Variants in SYNE1 observed in about 807,000 individuals in gnomAD.
SYNE1 encodes the protein spectrin repeat containing nuclear envelope protein 1, also known as nesprin-1.
A neutral mutation model predicts 1,111.0 loss-of-function variants in SYNE1; 616 were observed. The observed-to-expected ratio is 0.55, with a 90% confidence interval of 0.52 to 0.59. The LOEUF (loss-of-function observed/expected upper bound fraction) is 0.59, where lower values mean the gene tolerates loss of function less well. SYNE1 is among the 20% of genes least tolerant of loss of function. The probability of loss-of-function intolerance (pLI) is 0.00; values close to 1 mark genes in which losing one functional copy is unlikely to be tolerated. For missense variants in SYNE1, 10,006 were observed against 10,417.0 expected (o/e 0.96, Z 1.72); for synonymous variants, 3,855 against 3,825.8 (o/e 1.01, Z -0.28).
chr6:152,409,804 T>C, intron 42 of SYNE1, 95 bp from the exon 43 acceptor site: 1 of 1,323,220 alleles, frequency 7.6e-7, no homozygotes, highest in South Asian at 1.2e-5. Flanking sequence ...TACGTAAAGG[T>C]ATTAATACTC....
At chr6:152,217,413 A>G (rs561867234) in intron 121 of SYNE1, among the ~76,000 whole-genome samples, 29 of 151,664 alleles carry the variant, frequency 1.9e-4, no homozygotes, top group South Asian at 4.2e-4. Flanking sequence ...AAAAAAGAAA[A>G]AAAAATTATT....
chr6:152,458,776 A>C lies in SYNE1; in HGVS notation c.2549T>G (p.Leu850Arg). The change falls in exon 22 of 146, where the codon CTT becomes CGT. Residue 850 changes from leucine to arginine, a missense_variant. By Grantham distance (102) the Leu-to-Arg change is moderately radical. Coordinates refer to ENST00000367255, the MANE Select transcript of SYNE1 (RefSeq NM_182961.4). Reference sequence around the variant, plus strand: ...TCTCACCTGATGTTTTTGTTTAAAAAGGGCACTCGATTGTGCCTCACGCTC... The same window carrying C: ...TCTCACCTGATGTTTTTGTTTAAAACGGGCACTCGATTGTGCCTCACGCTC... ...VLEREAQSSA[L>R]FKQKHQELLA... is the part of the protein sequence containing the mutation. 1 of 1,614,044 alleles carries C rather than the reference A, an allele frequency of 6.2e-7. No homozygotes were observed. The highest frequency in any genetic ancestry group is 1.1e-5 in the South Asian group (1 of 91,076).
chr6:152,385,614 A>G, intron 55 of SYNE1, 60 bp downstream of exon 55: 1 of 1,587,674 alleles, frequency 6.3e-7, no homozygotes, highest in Non-Finnish European at 8.6e-7. Context: ...CAAAATCTTT[A>G]TCAAAAGTAC....
Position 152,344,158 on chromosome 6 carries a change from C to T in SYNE1, c.12148G>A (p.Ala4050Thr). ...TCCGGCTGGACTGCAGAAAGCCAGG[C>T]CTGGCACTGCTGCAGGGTGTCTTGT... ...SRQDTLQQCQ[A>T]WLSAVQPDLE... The change falls in exon 74 of 146, where the codon GCC becomes ACC. Residue 4050 changes from alanine (A) to threonine (T), a missense_variant. By Grantham distance (58) the Ala-to-Thr change is moderately conservative. Around this residue, in one of 7 missense-constraint regions of SYNE1, gnomAD observed 4,955 missense variants for 5,017.2 expected, o/e 0.99. Coordinates refer to ENST00000367255, the MANE Select transcript of SYNE1 (RefSeq NM_182961.4). The T allele has an allele frequency of 6.2e-7, 1 of 1,614,218 alleles. No homozygotes were observed. The highest frequency in any genetic ancestry group is 1.6e-4 in the Middle Eastern group (1 of 6,062).
chr6:152,265,141 G>C (rs1484186521), intron 100 of SYNE1, among the ~76,000 whole-genome samples: 1 of 150,820 alleles, frequency 6.6e-6, no homozygotes, highest in African/African-American at 2.4e-5. Context: ...GGGAGGCAGA[G>C]GTTGCAGTGA....
At chr6:152,386,173 T>G (rs1336340412) in intron 54 of SYNE1, among the ~76,000 whole-genome samples, 2 of 152,170 alleles carry the variant, frequency 1.3e-5, no homozygotes, top group Non-Finnish European at 1.5e-5. Context: ...GTTAGCTTGG[T>G]GTACAGCAGT....
chr6:152,349,069 T>C (rs975678238), intron 72 of SYNE1, among the ~76,000 whole-genome samples: 2 of 152,210 alleles, frequency 1.3e-5, no homozygotes, highest in South Asian at 2.1e-4. Flanking sequence ...TCCTTTCTTA[T>C]AGACAGAAAT....
chr6:152,359,069 T>C (rs1361990134), intron 65 of SYNE1, among the ~76,000 whole-genome samples: 1 of 152,224 alleles, frequency 6.6e-6, no homozygotes, highest in East Asian at 1.9e-4. Context: ...CCAGAATTTT[T>C]TTTAAGTTGG....
At chr6:152,358,149 C>T (rs1415249739) in intron 66 of SYNE1, among the ~76,000 whole-genome samples, 2 of 152,158 alleles carry the variant, frequency 1.3e-5, no homozygotes, top group Non-Finnish European at 2.9e-5. Context: ...CCATGAATCC[C>T]CCAAGTGCTA....
chr6:152,426,194 A>G (rs1232636707), intron 38 of SYNE1, among the ~76,000 whole-genome samples: 1 of 152,386 alleles, frequency 6.6e-6, no homozygotes, highest in East Asian at 1.9e-4. Flanking sequence ...TAGATAGGTA[A>G]TAATAATAAA....
At chr6:152,499,196 G>A (rs981566856) in intron 10 of SYNE1, among the ~76,000 whole-genome samples, 2 of 151,994 alleles carry the variant, frequency 1.3e-5, no homozygotes, top group Non-Finnish European at 2.9e-5. Flanking sequence ...GCTTCTTAGG[G>A]CAGTCAGGAA....
At chr6:152,165,136 TCA>T (rs1206779107) in intron 130 of SYNE1, among the ~76,000 whole-genome samples, 1 of 151,422 alleles carries the variant, frequency 6.6e-6, no homozygotes, top group Non-Finnish European at 1.5e-5. Flanking sequence ...GCTGGGATTG[TCA>T]CACAGTCAGT....
chr6:152,459,045 C>T, intron 21 of SYNE1, 115 bp from the exon 22 acceptor site: 1 of 903,722 alleles, frequency 1.1e-6, no homozygotes. Flanking sequence ...TTGGTGCTTA[C>T]AAATATCCAA....
At chr6:152,401,394 A>C in intron 46 of SYNE1, 53 bp from the exon 47 acceptor site, 1 of 1,553,094 alleles carries the variant, frequency 6.4e-7, no homozygotes, top group South Asian at 1.1e-5. Flanking sequence ...AAGAATACTC[A>C]TTCAGTAGAA....
At chr6:152,476,047 C>G (rs984847110) in intron 14 of SYNE1, among the ~76,000 whole-genome samples, 2 of 152,148 alleles carry the variant, frequency 1.3e-5, no homozygotes, top group Non-Finnish European at 2.9e-5. Context: ...ATACTGGATT[C>G]CCTCCAGGAT....
rs777934898 is a variant in SYNE1 at position 152,171,483 on chromosome 6, ATGAC to A, written c.23627+4907_23627+4910del. On this transcript the variant is annotated intron_variant, in intron 130 of 145. Coordinates refer to ENST00000367255, the MANE Select transcript of SYNE1 (RefSeq NM_182961.4). ...TTTTAGCAGAGAAAACAGGCTTAAA[ATGAC>A]TGATCACACAAGATTTCACATAGTT... 4.1e-4 allele frequency among the ~76,000 whole-genome samples: 62 copies of A among 152,236 alleles called. 1 individual carries two copies. The highest frequency in any genetic ancestry group is 1.4e-3 in the South Asian group (7 of 4,828).
intron 93 of SYNE1, among the ~76,000 whole-genome samples, chr6:152,296,693 T>C (rs1023378741): frequency 2.6e-5 from 4 of 152,266 alleles, no homozygotes; most frequent in African/African-American, 9.6e-5. Flanking sequence ...TTAAATTGTT[T>C]AAAATCTCTC....
intron 95 of SYNE1, among the ~76,000 whole-genome samples, chr6:152,285,216 C>A (rs1352045679): frequency 9.9e-6 from 1 of 100,914 alleles, no homozygotes; most frequent in Non-Finnish European, 1.9e-5. Context: ...CTCTCCTTCA[C>A]TCACCAGATC....
intron 64 of SYNE1, among the ~76,000 whole-genome samples, chr6:152,361,958 G>C (rs2096939233): frequency 6.6e-6 from 1 of 151,952 alleles, no homozygotes; most frequent in African/African-American, 2.4e-5. Context: ...GGATCTACAT[G>C]GTTTTCCTGG....
Sources: allele counts gnomAD v4.1 joint callset (sites outside exome capture counted in the v4.1 genomes callset), GRCh38; gene constraint gnomAD v4.1.1; regional missense constraint gnomAD v4.1.1; transcripts MANE v1.5; gene names NCBI Gene and HGNC (gene_info 2026-07-23, HGNC 2026-07-21).